Variants in STAU2 observed in about 807,000 individuals in gnomAD.
STAU2 encodes the protein staufen double-stranded RNA binding protein 2.
Under a neutral mutation model 65.9 loss-of-function variants are expected in STAU2, and 20 were observed. The ratio of observed to expected loss-of-function variants is 0.30; its 90% confidence interval spans 0.21 to 0.44. STAU2 has a LOEUF of 0.44. Among genes scored for constraint, STAU2 ranks in the 20% least tolerant of loss-of-function variants. The probability of loss-of-function intolerance (pLI) is 1.00; values close to 1 mark genes in which losing one functional copy is unlikely to be tolerated. For missense variants in STAU2, 558 were observed against 683.9 expected, an observed-to-expected ratio of 0.82 and a Z score of 2.05; for synonymous variants, 232 against 233.9, an observed-to-expected ratio of 0.99 and a Z score of 0.07.
At chr8:73,527,466 T>A (rs1472345767) in intron 13 of STAU2, 1 of 377,684 alleles carries the variant, frequency 2.6e-6, no homozygotes, top group Non-Finnish European at 4.8e-6. Flanking sequence ...ATTCCATATT[T>A]AAAATAATAA....
intron 12 of STAU2, among the ~76,000 whole-genome samples, chr8:73,572,248 G>A (rs979776265): frequency 2.0e-5 from 3 of 152,090 alleles, no homozygotes; most frequent in East Asian, 3.9e-4. Flanking sequence ...TGAAATTGAG[G>A]CAATAATTAA....
chr8:73,561,946 G>A lies in STAU2; in HGVS notation c.1223-9627C>T, dbSNP rs375492359. 3.3e-5 allele frequency among the ~76,000 whole-genome samples: 5 copies of A among 152,330 alleles called. No individual in the cohort carries two copies. In the East Asian group the frequency reaches 7.7e-4, roughly 23 times the overall value. On this transcript the variant is annotated intron_variant, in intron 12 of 14. Transcript: ENST00000524300. ...TAAAGTCACAGCCAGTAAGTGGCAG[G>A]TGTTGGGGCAGTATCCAGGCATCTG...
intron 10 of STAU2, among the ~76,000 whole-genome samples, chr8:73,600,803 G>A (rs545272366): frequency 1.3e-5 from 2 of 152,270 alleles, no homozygotes; most frequent in Admixed American, 1.3e-4. Flanking sequence ...TAAAACAAGT[G>A]CTTCCCAGAT....
chr8:73,464,061 A>G (rs1164123714), intron 13 of STAU2, among the ~76,000 whole-genome samples: 1 of 152,216 alleles, frequency 6.6e-6, no homozygotes, highest in Admixed American at 6.5e-5. Flanking sequence ...TCGAGACAAC[A>G]GTTTACAATG....
intron 13 of STAU2, among the ~76,000 whole-genome samples, chr8:73,498,875 T>C (rs1028436008): frequency 1.8e-4 from 28 of 151,842 alleles, no homozygotes; most frequent in Admixed American, 5.9e-4. Flanking sequence ...TGGTGCCCAG[T>C]TGCTTGGTCC....
chr8:73,555,963 A>T (rs1350934467), intron 12 of STAU2, among the ~76,000 whole-genome samples: 1 of 152,214 alleles, frequency 6.6e-6, no homozygotes, highest in East Asian at 1.9e-4. Flanking sequence ...ACAAGAAAAC[A>T]TTATGTACTG....
chr8:73,465,505 C>T (rs1819605240), intron 13 of STAU2, among the ~76,000 whole-genome samples: 1 of 152,200 alleles, frequency 6.6e-6, no homozygotes, highest in Admixed American at 6.5e-5. Flanking sequence ...CTAATTATCT[C>T]TTTCTAACTA....
chr8:73,635,042 GTAT>G (rs1243321434), intron 6 of STAU2, among the ~76,000 whole-genome samples: 2 of 152,192 alleles, frequency 1.3e-5, no homozygotes, highest in East Asian at 3.8e-4. Context: ...CTCACCACGT[GTAT>G]GTATAAAGAT....
chr8:73,745,827 T>C (rs1167518260), intron 1 of STAU2, among the ~76,000 whole-genome samples: 1 of 152,108 alleles, frequency 6.6e-6, no homozygotes, highest in Admixed American at 6.6e-5. Flanking sequence ...TGCAAAATTC[T>C]ACACACATTT....
At chr8:73,622,310 TAG>T (rs1813321034) in intron 6 of STAU2, among the ~76,000 whole-genome samples, 1 of 151,486 alleles carries the variant, frequency 6.6e-6, no homozygotes, top group South Asian at 2.1e-4. Context: ...GTATTTTTAG[TAG>T]AGACAGGGTT....
intron 10 of STAU2, among the ~76,000 whole-genome samples, chr8:73,601,437 C>T (rs886136037): frequency 6.6e-6 from 1 of 151,920 alleles, no homozygotes; most frequent in Admixed American, 6.6e-5. Context: ...GATTTTCTTT[C>T]GTTTATCTAG....
At position 73,603,791 on chromosome 8, in the gene STAU2, T is replaced by C. The variant is rs1382863177; in HGVS notation, c.964A>G (p.Lys322Glu). 2 of 1,612,110 alleles carry C rather than the reference T, an allele frequency of 1.2e-6. No homozygotes were observed. Among genetic ancestry groups the C allele is most frequent in the African/African-American group, 2.7e-5 (2 of 74,984 alleles). The change falls in exon 10 of 15, where the codon AAG becomes GAG. Residue 322 changes from lysine to glutamate, a missense_variant. Coordinates refer to ENST00000524300, the MANE Select transcript of STAU2 (RefSeq NM_001164380.2). ...LAQIQQAKKE[K>E]EPDYVLLSER... ...GAAAGCAAAACATAATCCGGCTCCTTTTCCTTTTTGGCCTGTTGAATTTGC... is the reference window on the plus strand; with the variant it reads ...GAAAGCAAAACATAATCCGGCTCCTCTTCCTTTTTGGCCTGTTGAATTTGC...
chr8:73,555,669 T>G (rs1411538209), intron 12 of STAU2, among the ~76,000 whole-genome samples: 2 of 129,704 alleles, frequency 1.5e-5, no homozygotes, highest in Non-Finnish European at 3.7e-5. Context: ...TTATATAATA[T>G]TTGATGTTGT....
chr8:73,542,333 T>G (rs917712331), intron 13 of STAU2, among the ~76,000 whole-genome samples: 1 of 152,144 alleles, frequency 6.6e-6, no homozygotes, highest in Non-Finnish European at 1.5e-5. Context: ...AAATTAACTT[T>G]AAGTGGGTCT....
chr8:73,643,369 A>G (rs1468900815), intron 6 of STAU2, among the ~76,000 whole-genome samples: 3 of 152,212 alleles, frequency 2.0e-5, no homozygotes, highest in Non-Finnish European at 4.4e-5. Context: ...GAAGGAAATC[A>G]CTTGCATCTG....
At chr8:73,492,422 T>C (rs931373184) in intron 13 of STAU2, among the ~76,000 whole-genome samples, 1 of 151,840 alleles carries the variant, frequency 6.6e-6, no homozygotes, top group African/African-American at 2.4e-5. Context: ...TACCAGCCAA[T>C]GCTAAAATGG....
Position 73,632,147 on chromosome 8 carries a change from T to C in STAU2, c.411-14696A>G, listed in dbSNP as rs117564577. On this transcript the variant is annotated intron_variant, in intron 6 of 14. Coordinates refer to ENST00000524300, the MANE Select transcript of STAU2 (RefSeq NM_001164380.2). ...ATTGTATTATATTGCATTAGAAATATAGACGATTGAAAGCTGACATAAAGA... is the reference window on the plus strand; with the variant it reads ...ATTGTATTATATTGCATTAGAAATACAGACGATTGAAAGCTGACATAAAGA... Among the ~76,000 whole-genome samples, 1,010 of 152,102 alleles carry C rather than the reference T, an allele frequency of 6.6e-3. 7 individuals are homozygous for C. Among genetic ancestry groups the C allele is most frequent in the Non-Finnish European group, 8.4e-3 (570 of 68,020 alleles).
intron 13 of STAU2, among the ~76,000 whole-genome samples, chr8:73,514,633 C>T (rs1277012035): frequency 6.6e-6 from 1 of 152,194 alleles, no homozygotes; most frequent in Non-Finnish European, 1.5e-5. Context: ...GAAGCTTAAT[C>T]AGATTAATTC....
chr8:73,441,869 T>C (rs531026033), intron 13 of STAU2, among the ~76,000 whole-genome samples: 9 of 152,376 alleles, frequency 5.9e-5, no homozygotes, highest in African/African-American at 2.2e-4. Flanking sequence ...TTATGTCAAT[T>C]ATATTATCAC....
Sources: allele counts gnomAD v4.1 joint callset (sites outside exome capture counted in the v4.1 genomes callset), GRCh38; gene constraint gnomAD v4.1.1; transcripts MANE v1.5; gene names NCBI Gene and HGNC (gene_info 2026-07-23, HGNC 2026-07-21).